SFXN3: variants seen among roughly 807,000 people sequenced by gnomAD.
SFXN3 encodes the protein sideroflexin-3.
SFXN3 carries 31 observed loss-of-function variants against 40.4 expected under a neutral mutation model. The ratio of observed to expected loss-of-function variants is 0.77; its 90% CI spans 0.58 to 1.04. SFXN3 has a LOEUF of 1.04. SFXN3 is among the 50% of genes least tolerant of loss of function. The pLI is 0.00. For missense variants in SFXN3, 366 were observed against 408.2 expected, an observed-to-expected ratio of 0.90 and a Z score of 0.89; for synonymous variants, 157 against 160.0, an observed-to-expected ratio of 0.98 and a Z score of 0.14.
rs577611445 is a variant in SFXN3, at chr10:101,036,925, C to T, written c.593+117C>T. 82 of 1,518,440 alleles carry T rather than the reference C, an allele frequency of 5.4e-5. No individual in the cohort carries two copies. Among genetic ancestry groups the T allele is most frequent in the Non-Finnish European group, 6.6e-5 (74 of 1,125,086 alleles). 94.1% of individuals were successfully genotyped at this position (1,518,440 alleles called of 1,614,324 possible). A position where few individuals can be genotyped will look rare whatever the true frequency, so the allele number is the denominator to read the frequency against. ...CCTCCCCAGACATGAGCTGCTGGGC[C>T]CTGGCTCAGTCTGACCCTGGGATCC... On this transcript the variant is annotated intron_variant, in intron 7 of 11. Transcript: ENST00000393459. This position sits in a 1 kb window ranked among gnomAD's most constrained non-coding sequence, Gnocchi z 4.2.
rs1487137420 is a variant in SFXN3 at position 101,037,440 on chromosome 10, C to T, written c.771+9C>T. ...AGAAAGACTTCCTGAAGGTAGGCGA[C>T]TGTACCTCTCTTGTCCTGGAATGGG... On this transcript the variant is annotated intron_variant, in intron 9 of 11. Transcript: ENST00000393459. The T allele has an allele frequency of 1.2e-6, 2 of 1,614,206 alleles. No homozygotes were observed. Among genetic ancestry groups the T allele is most frequent in the Admixed American group, 3.3e-5 (2 of 60,022 alleles).
rs910380402 is a variant in SFXN3 at position 101,039,349 on chromosome 10, G to C, written c.869+127G>C. The stretch of plus-strand genomic sequence containing the variant: ...CAGGCACTCCACTGATTCTGGGAGT[G>C]GGGGAATGACAGTGAGCCAGTCCTT... On this transcript the variant is annotated intron_variant, in intron 11 of 11. Transcript: ENST00000393459. The surrounding 1 kb of genome is among the most constrained non-coding windows in gnomAD (Gnocchi z 4.6). The C allele has an allele frequency of 2.9e-5, 35 of 1,199,746 alleles. No individual in the cohort carries two copies. The African/African-American group carries it at 3.6e-4, about 12-fold the overall frequency. 74.3% of individuals were successfully genotyped at this position (1,199,746 alleles called of 1,614,324 possible).
intron 2 of SFXN3, 150 bp downstream of exon 2, chr10:101,032,632 A>G: frequency 1.1e-6 from 1 of 885,974 alleles, no homozygotes. Context: ...GGGGGGAGGA[A>G]TGTCAGGGTG....
rs1487787335 is a variant in SFXN3 at position 101,032,305 on chromosome 10, C to A, written c.-172-9C>A. The A allele has an allele frequency of 4.4e-6, 3 of 683,384 alleles. No individual in the cohort carries two copies. Among genetic ancestry groups the A allele is most frequent in the South Asian group, 2.2e-5 (1 of 44,790 alleles). The allele number at this position is 683,384 out of a possible 1,614,324, so 42.3% of individuals were successfully genotyped here. Reference sequence around the variant, plus strand: ...GGGCATCGCCTCGAATGACACCCACCGCCCTCAGGTTCTGCCAATCCCCGT... The same window carrying A: ...GGGCATCGCCTCGAATGACACCCACAGCCCTCAGGTTCTGCCAATCCCCGT... On this transcript the variant is annotated splice_polypyrimidine_tract_variant and intron_variant, in intron 1 of 11. Coordinates refer to ENST00000393459, the Ensembl canonical transcript of SFXN3.
chr10:101,035,809 G>A, intron 4 of SFXN3, 142 bp downstream of exon 4: 1 of 1,246,290 alleles, frequency 8.0e-7, no homozygotes, highest in Non-Finnish European at 1.1e-6. Context: ...GCCTCAGGAG[G>A]TCTCTCACCC....
At chr10:101,037,717 C>T in intron 9 of SFXN3, 1 of 1,372,246 alleles carries the variant, frequency 7.3e-7, no homozygotes. Context: ...CATGCTTGAT[C>T]TCATGCTCAT....
At chr10:101,033,745 G>A (rs958042497) in intron 2 of SFXN3, among the ~76,000 whole-genome samples, 8 of 152,114 alleles carry the variant, frequency 5.3e-5, no homozygotes, top group East Asian at 1.9e-4. Context: ...CAGCAAAAAG[G>A]AATGTAGTAG....
chr10:101,037,848 T>C, intron 9 of SFXN3: 1 of 1,075,064 alleles, frequency 9.3e-7, no homozygotes, highest in Non-Finnish European at 1.1e-6. Context: ...ACAGAATCAT[T>C]TATTCACAAA....
Position 101,039,687 on chromosome 10 carries a change from G to A in SFXN3, c.*102G>A. On this transcript the variant is annotated 3_prime_UTR_variant, in exon 12 of 12. Coordinates refer to ENST00000393459, the Ensembl canonical transcript of SFXN3. The surrounding 1 kb of genome is among the most constrained non-coding windows in gnomAD (Gnocchi z 4.6). ...GCTATCTGCCTAGCACTGGGCAGGG[G>A]CCTTGGTGGGCAGATGGCAATTGAG... is the stretch of plus-strand genomic sequence containing the variant. 8.8e-7 allele frequency: 1 copy of A among 1,141,792 alleles called. No individual in the cohort carries two copies. Among genetic ancestry groups the A allele is most frequent in the Non-Finnish European group, 1.3e-6 (1 of 762,632 alleles). The allele number at this position is 1,141,792 out of a possible 1,614,324, so 70.7% of individuals were successfully genotyped here.
intron 9 of SFXN3, 28 bp from the exon 10 acceptor site, chr10:101,038,615 G>T (rs201357744): frequency 2.1e-5 from 34 of 1,613,898 alleles, no homozygotes; most frequent in Non-Finnish European, 2.9e-5. Flanking sequence ...GACACAAGCC[G>T]TTCCATTGTC....
chr10:101,032,611 C>G, intron 2 of SFXN3, 129 bp downstream of exon 2: 1 of 1,080,860 alleles, frequency 9.3e-7, no homozygotes, highest in Non-Finnish European at 1.3e-6. Flanking sequence ...CCACAGGGCA[C>G]AAGGGAGGTT....
rs199712039 is a variant in SFXN3, at chr10:101,039,459, C to T, written c.870-30C>T. The stretch of plus-strand genomic sequence containing the variant: ...CCTGAGTGGGGTTGGATTCAGGGGA[C>T]GTTAACTGGCCTGTGCTGTTCTATT... On this transcript the variant is annotated intron_variant, in intron 11 of 11. Transcript: ENST00000393459. The surrounding 1 kb of genome is among the most constrained non-coding windows in gnomAD (Gnocchi z 4.6). 47 of 1,599,882 alleles carry T rather than the reference C, an allele frequency of 2.9e-5. No individual in the cohort carries two copies. The Middle Eastern group carries it at 5.0e-4, about 17-fold the overall frequency.
In SFXN3 at chr10:101,039,190, C is replaced by T. The variant is rs958890827; in HGVS notation, c.837C>T (p.Thr279=). ...TCTCCCCCAGCCTGGTATTTGCAAC[C>T]CCCCTGTGCTGTGCCCTATTCCCCC... is the stretch of plus-strand genomic sequence containing the variant. Residue 279 remains threonine (T), a synonymous_variant, in exon 11 of 12, where the codon ACC becomes ACT. Coordinates refer to ENST00000393459, the Ensembl canonical transcript of SFXN3. This position sits in a 1 kb window ranked among gnomAD's most constrained non-coding sequence, Gnocchi z 4.6. 50 of 1,610,472 alleles carry T rather than the reference C, an allele frequency of 3.1e-5. No homozygotes were observed. The highest frequency in any genetic ancestry group is 4.2e-5 in the Non-Finnish European group (50 of 1,178,204).
chr10:101,039,808 G>A lies in SFXN3; in HGVS notation c.*223G>A. On this transcript the variant is annotated 3_prime_UTR_variant, in exon 12 of 12. Transcript: ENST00000393459. The surrounding 1 kb of genome is among the most constrained non-coding windows in gnomAD (Gnocchi z 4.6). ...AGAGCACATAACCCCTCCTGTGCTT[G>A]AGTGTCCATGCATATACATACATGA... The A allele has an allele frequency of 1.7e-6, 1 of 585,910 alleles. No homozygotes were observed. Among genetic ancestry groups the A allele is most frequent in the Non-Finnish European group, 3.1e-6 (1 of 326,464 alleles). The allele number at this position is 585,910 out of a possible 1,614,324, so 36.3% of individuals were successfully genotyped here.
chr10:101,032,196 C>T (rs896108471), intron 1 of SFXN3, 118 bp from the exon 2 acceptor site: 42 of 393,888 alleles, frequency 1.1e-4, no homozygotes, highest in Non-Finnish European at 1.8e-4. Flanking sequence ...CTCCCTTTGG[C>T]TGGGGAGGGG....
In SFXN3 at chr10:101,036,847, T is replaced by C; in HGVS notation, c.593+39T>C. The C allele has an allele frequency of 1.2e-6, 2 of 1,602,492 alleles. No individual in the cohort carries two copies. Among genetic ancestry groups the C allele is most frequent in the Non-Finnish European group, 1.7e-6 (2 of 1,170,978 alleles). On this transcript the variant is annotated intron_variant, in intron 7 of 11. Coordinates refer to ENST00000393459, the Ensembl canonical transcript of SFXN3. This position sits in a 1 kb window ranked among gnomAD's most constrained non-coding sequence, Gnocchi z 4.2. ...GCTCCTGGCATGTGCATGCCCAGAA[T>C]GTAGCACACTGTCCATCCACGCAGA...
Position 101,036,936 on chromosome 10 carries a change from C to A in SFXN3, c.593+128C>A. On this transcript the variant is annotated intron_variant, in intron 7 of 11. Transcript: ENST00000393459. The surrounding 1 kb of genome is among the most constrained non-coding windows in gnomAD (Gnocchi z 4.2). ...ATGAGCTGCTGGGCCCTGGCTCAGT[C>A]TGACCCTGGGATCCTCAGGTGGGAG... 6.6e-7 allele frequency: 1 copy of A among 1,520,326 alleles called. No individual in the cohort carries two copies. The highest frequency in any genetic ancestry group is 8.9e-7 in the Non-Finnish European group (1 of 1,128,092). The allele number at this position is 1,520,326 out of a possible 1,614,324, so 94.2% of individuals were successfully genotyped here.
intron 3 of SFXN3, among the ~76,000 whole-genome samples, chr10:101,035,189 A>C (rs1938530438): frequency 6.6e-6 from 1 of 152,250 alleles, no homozygotes; most frequent in Non-Finnish European, 1.5e-5. Context: ...TATCTTTGGG[A>C]GGAAAAACTC....
chr10:101,033,409 C>G (rs533577866), intron 2 of SFXN3, among the ~76,000 whole-genome samples: 2 of 152,266 alleles, frequency 1.3e-5, no homozygotes, highest in East Asian at 1.9e-4. Flanking sequence ...CAGGATAGAG[C>G]ACAAGGAGAT....
Sources: gnomAD v4.1 joint callset for allele counts (sites outside exome capture counted in the v4.1 genomes callset) on GRCh38, gnomAD v4.1.1 for gene constraint, Gnocchi (gnomAD v3.1) non-coding constraint, MANE v1.5 for transcripts, NCBI Gene and HGNC (gene_info 2026-07-23, HGNC 2026-07-21) for gene names.